Variants in SGCD observed in about 807,000 individuals in gnomAD.
The protein encoded by SGCD is delta-sarcoglycan.
SGCD carries 18 observed loss-of-function variants against 36.6 expected under a neutral mutation model. The ratio of observed to expected loss-of-function variants is 0.49; its 90% confidence interval spans 0.34 to 0.73. The LOEUF (loss-of-function observed/expected upper bound fraction) is 0.73, where lower values mean the gene tolerates loss of function less well. SGCD is among the 30% of genes least tolerant of loss of function. The pLI is 0.01. For synonymous variants in SGCD, 133 were observed against 130.6 expected (o/e 1.02, Z -0.12); for missense variants, 387 against 346.7 (o/e 1.12, Z -0.92).
At chr5:155,739,268 T>A in the SGCD span, among the ~76,000 whole-genome samples, 1 of 152,180 alleles carries the variant, frequency 6.6e-6, no homozygotes, top group Admixed American at 6.5e-5. Context: ...AGCTGGATGT[T>A]GTCCAGCAAG....
intron 6 of SGCD, among the ~76,000 whole-genome samples, chr5:156,644,175 T>C (rs1763143712): frequency 6.6e-6 from 1 of 152,192 alleles, no homozygotes; most frequent in Admixed American, 6.5e-5. Context: ...GTACAAGAAG[T>C]GATTCATCAT....
At chr5:156,594,253 C>T (rs1205475836) in intron 5 of SGCD, among the ~76,000 whole-genome samples, 2 of 152,086 alleles carry the variant, frequency 1.3e-5, no homozygotes, top group Admixed American at 6.6e-5. Flanking sequence ...GCTATGGAAT[C>T]GGGCTTGATT....
chr5:156,543,317 A>G (rs1162222989), intron 4 of SGCD, among the ~76,000 whole-genome samples: 1 of 152,186 alleles, frequency 6.6e-6, no homozygotes, highest in Non-Finnish European at 1.5e-5. Context: ...ACTGATCTAG[A>G]TAAAGAAAGG....
intron 3 of SGCD, among the ~76,000 whole-genome samples, chr5:156,267,922 A>G (rs1242767231): frequency 6.6e-6 from 1 of 152,116 alleles, no homozygotes; most frequent in East Asian, 1.9e-4. Context: ...TATACAAAAT[A>G]TTTCATCATC....
chr5:155,862,177 GC>G, the SGCD span, among the ~76,000 whole-genome samples: 1 of 151,994 alleles, frequency 6.6e-6, no homozygotes, highest in Non-Finnish European at 1.5e-5. Context: ...CCCTATGTAA[GC>G]CTTCACTTTA....
intron 1 of SGCD, among the ~76,000 whole-genome samples, chr5:156,100,621 A>G (rs1761497295): frequency 6.6e-6 from 1 of 152,160 alleles, no homozygotes; most frequent in Non-Finnish European, 1.5e-5. Flanking sequence ...GTTTTTCTTT[A>G]TTCATGCATG....
intron 3 of SGCD, among the ~76,000 whole-genome samples, chr5:156,222,552 G>T (rs1047066515): frequency 6.6e-6 from 1 of 152,006 alleles, no homozygotes; most frequent in South Asian, 2.1e-4. Context: ...GTAGAAGTTG[G>T]TATTTTAAAG....
At chr5:156,432,829 C>G (rs532151178) in intron 3 of SGCD, among the ~76,000 whole-genome samples, 2 of 152,132 alleles carry the variant, frequency 1.3e-5, no homozygotes, top group Non-Finnish European at 2.9e-5. Flanking sequence ...TTAACAGCAA[C>G]GGGTTTAGAT....
At chr5:156,229,265 T>C (rs545614337) in intron 3 of SGCD, among the ~76,000 whole-genome samples, 18 of 98,346 alleles carry the variant, frequency 1.8e-4, no homozygotes, top group East Asian at 1.6e-3. Context: ...TACATACATA[T>C]ATATATACAT....
chr5:156,612,974 G>A (rs964258576), intron 6 of SGCD, among the ~76,000 whole-genome samples: 7 of 152,128 alleles, frequency 4.6e-5, no homozygotes, highest in Non-Finnish European at 1.0e-4. Context: ...AAGGACTACT[G>A]GGGGTATCCA....
At chr5:156,406,995 T>C (rs1312718948) in intron 3 of SGCD, among the ~76,000 whole-genome samples, 1 of 151,680 alleles carries the variant, frequency 6.6e-6, no homozygotes, top group Non-Finnish European at 1.5e-5. Flanking sequence ...GCAGGAAGCA[T>C]CCAGCACGAG....
At chr5:156,339,809 GA>G (rs1353798132) in intron 2 of SGCD, among the ~76,000 whole-genome samples, 3 of 152,116 alleles carry the variant, frequency 2.0e-5, no homozygotes, top group Admixed American at 2.0e-4. Context: ...AATGAGAAAG[GA>G]AATTAAATTA....
In SGCD at chr5:156,287,627, T is replaced by TTGTGTGTG. The variant is rs70982002; in HGVS notation, c.-43-41879_-43-41872dup. On this transcript the variant is annotated intron_variant, in intron 3 of 9. Coordinates refer to the SGCD transcript ENST00000517913. ...AGCTTGGAACTTTAGTTCCGTTTCT[T>TTGTGTGTG]TGTGTGTGTGTGTGTGTGTGTGTGT... Among the ~76,000 whole-genome samples the TTGTGTGTG allele has an allele frequency of 7.3e-3, 1,069 of 146,376 alleles. 6 individuals carry two copies. Among genetic ancestry groups the TTGTGTGTG allele is most frequent in the Non-Finnish European group, 0.011 (763 of 66,434 alleles).
chr5:156,700,358 G>A (rs1340076730), intron 7 of SGCD, among the ~76,000 whole-genome samples: 1 of 151,930 alleles, frequency 6.6e-6, no homozygotes, highest in Admixed American at 6.6e-5. Flanking sequence ...TCTCTTCTTG[G>A]TAGCTTTGTT....
the SGCD span, among the ~76,000 whole-genome samples, chr5:155,778,665 T>G: frequency 2.9e-4 from 44 of 152,152 alleles, no homozygotes; most frequent in Non-Finnish European, 4.7e-4. Context: ...TGGTTTAGCC[T>G]TCATCTCCAG....
At chr5:156,158,822 A>G (rs1041164120) in intron 3 of SGCD, among the ~76,000 whole-genome samples, 1 of 151,554 alleles carries the variant, frequency 6.6e-6, no homozygotes, top group Admixed American at 6.6e-5. Flanking sequence ...AAAAAATCAC[A>G]CAGCATACTA....
At chr5:156,218,564 AT>A (rs1355792115) in intron 3 of SGCD, among the ~76,000 whole-genome samples, 1 of 152,206 alleles carries the variant, frequency 6.6e-6, no homozygotes, top group East Asian at 1.9e-4. Flanking sequence ...TTTTGCTGAC[AT>A]GACTATTTTT....
In SGCD at chr5:156,334,969, C is replaced by T. The variant is rs536839703; in HGVS notation, c.3+5390C>T. 1.5e-4 allele frequency among the ~76,000 whole-genome samples: 23 copies of T among 152,182 alleles called. No homozygotes were observed. In the East Asian group the frequency reaches 2.3e-3, roughly 15 times the overall value. On this transcript the variant is annotated intron_variant, in intron 2 of 8. Transcript: ENST00000337851. ...GCCTGTGAGTAATGGAGAGAAAACC[C>T]GGCCTGAGTTTAAGTTCAGACCCTA...
At position 156,315,162 on chromosome 5, in the gene SGCD, A is replaced by C. The variant is rs145799344; in HGVS notation, c.-43-14372A>C. The stretch of plus-strand genomic sequence containing the variant: ...TCCATTAAGTCTCCAATACCTATTC[A>C]TTTTGTATGGGATTATTTGTACTCT... On this transcript the variant is annotated intron_variant, in intron 3 of 9. Transcript: ENST00000517913. 3.4e-3 allele frequency among the ~76,000 whole-genome samples: 519 copies of C among 151,790 alleles called. 2 individuals carry two copies. Among genetic ancestry groups the C allele is most frequent in the African/African-American group, 0.012 (491 of 41,446 alleles).
Sources: gnomAD v4.1 joint callset for allele counts (sites outside exome capture counted in the v4.1 genomes callset) on GRCh38, gnomAD v4.1.1 for gene constraint, MANE v1.5 for transcripts, NCBI Gene and HGNC (gene_info 2026-07-23, HGNC 2026-07-21) for gene names.